The following CNR2 variants were observed in gnomAD, a reference collection of about 807,000 sequenced individuals.
CNR2 encodes cannabinoid receptor 2 (macrophage).
For missense variants in CNR2, 379 were observed against 439.9 expected (o/e 0.86, Z 1.24); for synonymous variants, 172 against 182.2 (o/e 0.94, Z 0.45).
In CNR2 at chr1:23,875,060, G is replaced by T; in HGVS notation, c.558C>A (p.Ile186=). The change falls in exon 2 of 2, where the codon ATC becomes ATA. Residue 186 remains isoleucine (I), a synonymous_variant. Transcript: ENST00000374472. ...PRPCSELFPL[I]PNDYLLSWLL... ...GCCAGCTCAGCAGGTAGTCATTGGG[G>T]ATCAGTGGGAAAAGCTCAGAGCAGG... is the stretch of plus-strand genomic sequence containing the variant. The T allele has an allele frequency of 6.2e-7, 1 of 1,603,166 alleles. No individual in the cohort carries two copies. Among genetic ancestry groups the T allele is most frequent in the Non-Finnish European group, 8.5e-7 (1 of 1,175,152 alleles).
At chr1:23,904,339 A>C (rs1254864042) in intron 1 of CNR2, among the ~76,000 whole-genome samples, 1 of 151,702 alleles carries the variant, frequency 6.6e-6, no homozygotes, top group African/African-American at 2.4e-5. Flanking sequence ...ATGCCCAGCC[A>C]ATTTTTTTGT....
chr1:23,880,463 T>C (rs1355640644), intron 1 of CNR2, among the ~76,000 whole-genome samples: 2 of 152,064 alleles, frequency 1.3e-5, no homozygotes, highest in Admixed American at 6.6e-5. Flanking sequence ...CATGAGCCAC[T>C]GCACCTAGCC....
At chr1:23,904,678 C>A (rs1640459343) in intron 1 of CNR2, among the ~76,000 whole-genome samples, 1 of 152,016 alleles carries the variant, frequency 6.6e-6, no homozygotes, top group Non-Finnish European at 1.5e-5. Flanking sequence ...GTGGGAGGAG[C>A]ATTGTTAAAA....
At chr1:23,911,065 G>C (rs1640575668) in intron 1 of CNR2, among the ~76,000 whole-genome samples, 1 of 150,658 alleles carries the variant, frequency 6.6e-6, no homozygotes, top group African/African-American at 2.4e-5. Flanking sequence ...TTTTTTCAGG[G>C]GTGAGAGTAG....
rs940717040 is a variant in CNR2, at chr1:23,872,090, G to T, written c.*2445C>A. ...GGAGGTTGCAGTGAGCCAAGATCAT[G>T]TCACTGCACTCCTGCCTGGACAACA... On this transcript the variant is annotated 3_prime_UTR_variant, in exon 2 of 2. Transcript: ENST00000374472. 5 of 120,934 alleles carry T rather than the reference G, an allele frequency of 4.1e-5. No individual in the cohort carries two copies. The highest frequency in any genetic ancestry group is 6.4e-5 in the Non-Finnish European group (4 of 62,714). 7.5% of individuals were successfully genotyped at this position (120,934 alleles called of 1,614,324 possible).
At position 23,902,761 on chromosome 1, in the gene CNR2, C is replaced by G. The variant is rs1188293753; in HGVS notation, c.-46+10485G>C. The G allele has an allele frequency of 4.0e-6, 6 of 1,504,494 alleles. No homozygotes were observed. The East Asian group carries it at 7.2e-5, about 18-fold the overall frequency. The allele number at this position is 1,504,494 out of a possible 1,614,324, so 93.2% of individuals were successfully genotyped here. ...GGGGACCGCGCCATTTGGGGCTCTC[C>G]GGGTGGTTGTTGCCAAGTGTGGGCT... On this transcript the variant is annotated intron_variant, in intron 1 of 1. Transcript: ENST00000374472.
intron 1 of CNR2, among the ~76,000 whole-genome samples, chr1:23,888,247 T>G (rs2148463507): frequency 6.6e-6 from 1 of 152,308 alleles, no homozygotes; most frequent in South Asian, 2.1e-4. Flanking sequence ...GAGACAGACT[T>G]AGTGTTTGCC....
intron 1 of CNR2, 144 bp from the exon 2 acceptor site, chr1:23,875,806 T>G: frequency 1.4e-6 from 1 of 724,642 alleles, no homozygotes; most frequent in South Asian, 2.4e-5. Flanking sequence ...TTGCCTGTAT[T>G]TTGCCCTTTC....
At chr1:23,911,899 TC>T (rs1291814220) in intron 1 of CNR2, among the ~76,000 whole-genome samples, 1 of 152,100 alleles carries the variant, frequency 6.6e-6, no homozygotes, top group Non-Finnish European at 1.5e-5. Context: ...CCTGAACTTC[TC>T]CCCAGCCTCC....
At position 23,900,810 on chromosome 1, in the gene CNR2, T is replaced by C. The variant is rs114384424; in HGVS notation, c.-46+12436A>G. On this transcript the variant is annotated intron_variant, in intron 1 of 1. Coordinates refer to ENST00000374472, the MANE Select transcript of CNR2 (RefSeq NM_001841.3). The stretch of plus-strand genomic sequence containing the variant: ...CATGTGCCACCGTGCCTGGCCTCCC[T>C]AATCTCATTTTTATCCTTCCCACCT... Among the ~76,000 whole-genome samples the C allele has an allele frequency of 8.7e-3, 1,332 of 152,238 alleles. 14 individuals carry two copies. The highest frequency in any genetic ancestry group is 0.027 in the Middle Eastern group (8 of 294).
rs77284769 is a variant in CNR2, at chr1:23,909,744, T to C, written c.-46+3502A>G. Among the ~76,000 whole-genome samples the C allele has an allele frequency of 1.1e-3, 170 of 152,214 alleles. 1 individual carries two copies. Among genetic ancestry groups the C allele is most frequent in the East Asian group, 8.5e-3 (44 of 5,182 alleles). On this transcript the variant is annotated intron_variant, in intron 1 of 1. Transcript: ENST00000374472. ...GCAGGTTCTCGGGTTGTCCATGTGATGGCATCTGAAACGCAGCCTGGCGAG... is the reference window on the plus strand; with the variant it reads ...GCAGGTTCTCGGGTTGTCCATGTGACGGCATCTGAAACGCAGCCTGGCGAG...
intron 1 of CNR2, among the ~76,000 whole-genome samples, chr1:23,886,234 C>T (rs1051797056): frequency 2.0e-5 from 3 of 150,478 alleles, no homozygotes; most frequent in African/African-American, 7.3e-5. Context: ...ATTATAAGAG[C>T]TCAATAAATG....
chr1:23,877,271 A>G (rs1218578694), intron 1 of CNR2, among the ~76,000 whole-genome samples: 3 of 152,356 alleles, frequency 2.0e-5, no homozygotes, highest in African/African-American at 7.2e-5. Flanking sequence ...AAATAAAATC[A>G]TTGAAAAAAG....
intron 1 of CNR2, among the ~76,000 whole-genome samples, chr1:23,884,977 T>C (rs1257036993): frequency 1.3e-5 from 2 of 152,164 alleles, no homozygotes; most frequent in East Asian, 3.9e-4. Context: ...ATTTTTTGTG[T>C]TTTTAGTAGA....
intron 1 of CNR2, among the ~76,000 whole-genome samples, chr1:23,903,095 G>GGCGGCGC (rs1640431106): frequency 1.3e-5 from 2 of 151,764 alleles, no homozygotes; most frequent in Admixed American, 1.3e-4. Context: ...CGGCGGCGGC[G>GGCGGCGC]GCGCTGCGAC....
At chr1:23,893,584 C>A (rs113742509) in intron 1 of CNR2, among the ~76,000 whole-genome samples, 1 of 152,310 alleles carries the variant, frequency 6.6e-6, no homozygotes, top group African/African-American at 2.4e-5. Flanking sequence ...GTCCTGAGTT[C>A]GGAATCTCAG....
At chr1:23,906,036 C>G (rs1640481103) in intron 1 of CNR2, among the ~76,000 whole-genome samples, 1 of 152,154 alleles carries the variant, frequency 6.6e-6, no homozygotes, top group Non-Finnish European at 1.5e-5. Context: ...CACAGATTCT[C>G]AGTTGGTCCT....
chr1:23,901,385 G>T, intron 1 of CNR2: 1 of 1,170,492 alleles, frequency 8.5e-7, no homozygotes, highest in Non-Finnish European at 1.2e-6. Flanking sequence ...AAGGTTAAGT[G>T]TGGCCTTTCA....
rs57856234 is a variant in CNR2 at position 23,891,275 on chromosome 1, T to TTGTGTGTG, written c.-45-15621_-45-15614dup. ...CTGTGGGGTTTTTTGACCAAATCTTTTGTGTGTGTGTGTGTGTGTGTGTGT... is the reference window on the plus strand; with the variant it reads ...CTGTGGGGTTTTTTGACCAAATCTTTTGTGTGTGTGTGTGTGTGTGTGTGTGTGTGTGT... On this transcript the variant is annotated intron_variant, in intron 1 of 1. Coordinates refer to ENST00000374472, the MANE Select transcript of CNR2 (RefSeq NM_001841.3). 1.2e-3 allele frequency among the ~76,000 whole-genome samples: 186 copies of TTGTGTGTG among 150,414 alleles called. 2 individuals are homozygous for TTGTGTGTG. The highest frequency in any genetic ancestry group is 7.9e-3 in the East Asian group (40 of 5,056).
Sources: gnomAD v4.1 joint callset for allele counts (sites outside exome capture counted in the v4.1 genomes callset) on GRCh38, gnomAD v4.1.1 for gene constraint, MANE v1.5 for transcripts, NCBI Gene and HGNC (gene_info 2026-07-23, HGNC 2026-07-21) for gene names.